Variants in TRPM7 observed in about 807,000 individuals in gnomAD.
TRPM7 encodes the protein transient receptor potential cation channel subfamily M member 7.
A neutral mutation model predicts 229.7 loss-of-function variants in TRPM7; 134 were observed. The observed-to-expected ratio is 0.58, with a 90% confidence interval of 0.51 to 0.67. The LOEUF is 0.67. Ranked by LOEUF, TRPM7 falls within the 30% of genes least tolerant of loss-of-function variation. TRPM7 has a pLI of 0.00. For synonymous variants in TRPM7, 699 were observed against 715.2 expected (o/e 0.98, Z 0.36); for missense variants, 1,901 against 2,210.0 (o/e 0.86, Z 2.80).
In TRPM7 at chr15:50,619,666, T is replaced by A. The variant is rs2060332585; in HGVS notation, c.1494+79A>T. 4 of 1,184,758 alleles carry A rather than the reference T, an allele frequency of 3.4e-6. No individual in the cohort carries two copies. The South Asian group carries it at 4.6e-5, about 14-fold the overall frequency. 73.4% of individuals were successfully genotyped at this position (1,184,758 alleles called of 1,614,324 possible). A position where few individuals can be genotyped will look rare whatever the true frequency, so the allele number is the denominator to read the frequency against. On this transcript the variant is annotated intron_variant, in intron 13 of 38. Coordinates refer to ENST00000646667, the MANE Select transcript of TRPM7 (RefSeq NM_017672.6). Reference sequence around the variant, plus strand: ...TTGGTATTTCTAAAATGTATTTAAATGATTTTTTTTTTAAAAAACATGAAA... The same window carrying A: ...TTGGTATTTCTAAAATGTATTTAAAAGATTTTTTTTTTAAAAAACATGAAA...
chr15:50,589,696 T>C (rs1407820513), intron 26 of TRPM7, 40 bp from the exon 27 acceptor site: 1 of 1,407,376 alleles, frequency 7.1e-7, no homozygotes, highest in Non-Finnish European at 9.9e-7. Context: ...GAAATTTTTA[T>C]TTTTCTTCAC....
In TRPM7 at chr15:50,607,246, A is replaced by C. The variant is rs1389977953; in HGVS notation, c.2663T>G (p.Ile888Ser). Residue 888 changes from isoleucine to serine, a missense_variant, in exon 20 of 39, where the codon ATT (isoleucine) becomes AGT (serine). This residue lies in a region of TRPM7 where 207 missense variants were observed against 241.5 expected (regional missense o/e 0.86). Transcript: ENST00000646667. ...ATAAGTAAAAATATAAGCAATAACA[A>C]TCCATTCTTGAACTGAAGGTAACTG... ...MEQLPSVQEWIVIAYIFTYAI... is the reference protein window; with the variant it reads ...MEQLPSVQEWSVIAYIFTYAI... 1.2e-6 allele frequency: 2 copies of C among 1,611,700 alleles called. No homozygotes were observed. Among genetic ancestry groups the C allele is most frequent in the Non-Finnish European group, 1.7e-6 (2 of 1,178,822 alleles).
In TRPM7 at chr15:50,679,510, TAA is replaced by T. The variant is rs1491513544; in HGVS notation, c.3+7019_3+7020del. Among the ~76,000 whole-genome samples the T allele has an allele frequency of 3.4e-4, 37 of 108,972 alleles. No homozygotes were observed. The South Asian group carries it at 7.8e-3, about 23-fold the overall frequency. The allele number at this position is 108,972 out of a possible 152,430, so 71.5% of individuals were successfully genotyped here. Reference sequence around the variant, plus strand: ...TATATTATATATATGTGTATATATATAATATATATATATATATATATATATAT... The same window carrying T: ...TATATTATATATATGTGTATATATATTATATATATATATATATATATATAT... On this transcript the variant is annotated intron_variant, in intron 1 of 38. Coordinates refer to ENST00000646667, the MANE Select transcript of TRPM7 (RefSeq NM_017672.6).
chr15:50,655,039 G>A (rs1310290676), intron 3 of TRPM7, among the ~76,000 whole-genome samples: 3 of 137,572 alleles, frequency 2.2e-5, no homozygotes, highest in African/African-American at 7.9e-5. Context: ...TCACTGGATG[G>A]ACAAAACAGC....
At chr15:50,595,669 C>T (rs2059613279) in intron 23 of TRPM7, among the ~76,000 whole-genome samples, 1 of 151,720 alleles carries the variant, frequency 6.6e-6, no homozygotes, top group Non-Finnish European at 1.5e-5. Context: ...GAGTCCAGCC[C>T]GGCCAACATG....
rs1270854054 is a variant in TRPM7 at position 50,561,403 on chromosome 15, T to C, written c.*275A>G. 3.3e-6 allele frequency: 1 copy of C among 301,806 alleles called. No individual in the cohort carries two copies. The highest frequency in any genetic ancestry group is 5.0e-5 in the Admixed American group (1 of 20,146). The allele number at this position is 301,806 out of a possible 1,614,324, so 18.7% of individuals were successfully genotyped here. ...TCACCCTCATCAAAACAAAGTCAAA[T>C]GAGATCCTCTGCTATACAAAGAGCC... On this transcript the variant is annotated 3_prime_UTR_variant, in exon 39 of 39. Transcript: ENST00000646667.
At position 50,686,573 on chromosome 15, in the gene TRPM7, C is replaced by T; in HGVS notation, c.-40G>A. ...GGACTCCGGAAGGGCAGCAACTCCA[C>T]CTCCTCCTCCTCCGCGGCCTGTAGC... On this transcript the variant is annotated 5_prime_UTR_variant, in exon 1 of 39. In the 5' UTR this introduces an upstream ATG that the reference lacks. Coordinates refer to ENST00000646667, the MANE Select transcript of TRPM7 (RefSeq NM_017672.6). 1 of 1,599,356 alleles carries T rather than the reference C, an allele frequency of 6.3e-7. No individual in the cohort carries two copies. Among genetic ancestry groups the T allele is most frequent in the Non-Finnish European group, 8.5e-7 (1 of 1,171,762 alleles).
chr15:50,618,830 A>C (rs903794910), intron 13 of TRPM7, among the ~76,000 whole-genome samples: 3 of 152,022 alleles, frequency 2.0e-5, no homozygotes, highest in African/African-American at 7.3e-5. Flanking sequence ...CTATGTCCAT[A>C]GGTACCCATT....
intron 31 of TRPM7, 59 bp downstream of exon 31, chr15:50,578,580 T>G: frequency 6.6e-7 from 1 of 1,520,074 alleles, no homozygotes; most frequent in East Asian, 2.3e-5. Context: ...TGGTGTTTGC[T>G]GTAACAGATC....
chr15:50,587,225 G>A (rs910929087), intron 27 of TRPM7, among the ~76,000 whole-genome samples: 1 of 152,098 alleles, frequency 6.6e-6, no homozygotes, highest in Middle Eastern at 3.4e-3. Flanking sequence ...TGCTTTGTAT[G>A]AGCTATTTAT....
intron 11 of TRPM7, among the ~76,000 whole-genome samples, chr15:50,627,618 G>A (rs2140617600): frequency 6.6e-6 from 1 of 152,300 alleles, no homozygotes; most frequent in East Asian, 1.9e-4. Flanking sequence ...AAGTATGAGA[G>A]TAGTGAAACC....
chr15:50,581,059 TTTA>T (rs1677808046), intron 29 of TRPM7, 151 bp from the exon 30 acceptor site: 3 of 636,712 alleles, frequency 4.7e-6, no homozygotes, highest in South Asian at 5.4e-5. Context: ...AATAAATTTA[TTTA>T]TTATAACTGT....
chr15:50,564,905 C>T (rs778456330), intron 38 of TRPM7, among the ~76,000 whole-genome samples: 1 of 152,008 alleles, frequency 6.6e-6, no homozygotes, highest in African/African-American at 2.4e-5. Flanking sequence ...TTATAGCTCA[C>T]CTTAATTATA....
rs780049938 is a variant in TRPM7 at position 50,575,726 on chromosome 15, C to A, written c.4733G>T (p.Arg1578Ile). The change falls in exon 33 of 39, where the codon AGA becomes ATA. Residue 1578 changes from arginine (R) to isoleucine (I), a missense_variant and splice_region_variant. By Grantham distance (97) the Arg-to-Ile change is moderately conservative (BLOSUM62 -3). Around this residue, in one of 8 missense-constraint regions of TRPM7, gnomAD observed 257 missense variants for 352.0 expected, o/e 0.73. Coordinates refer to ENST00000646667, the MANE Select transcript of TRPM7 (RefSeq NM_017672.6). ...QSIPFTPVPP[R>I]GEPVTVYRLE... ...ATTTCTTTAATTTTTGGATTTACCT[C>A]TTGGAGGCACAGGTGTAAATGGAAT... 1 of 1,610,428 alleles carries A rather than the reference C, an allele frequency of 6.2e-7. No homozygotes were observed. Among genetic ancestry groups the A allele is most frequent in the Non-Finnish European group, 8.5e-7 (1 of 1,178,904 alleles).
chr15:50,625,886 T>G (rs2060543910), intron 11 of TRPM7, among the ~76,000 whole-genome samples: 3 of 152,184 alleles, frequency 2.0e-5, no homozygotes, highest in Admixed American at 2.0e-4. Context: ...TCTACATTAT[T>G]AGGCTGTAGT....
At chr15:50,638,307 C>T (rs375451575) in intron 6 of TRPM7, among the ~76,000 whole-genome samples, 3 of 128,812 alleles carry the variant, frequency 2.3e-5, no homozygotes, top group Non-Finnish European at 3.1e-5. Flanking sequence ...TGCAGTGAGC[C>T]GAGATCGCGC....
At chr15:50,621,150 T>A (rs1406980243) in intron 12 of TRPM7, among the ~76,000 whole-genome samples, 4 of 91,732 alleles carry the variant, frequency 4.4e-5, no homozygotes, top group African/African-American at 1.4e-4. Context: ...ACAGCGAGAC[T>A]CCGTCTCAAA....
chr15:50,674,138 G>C (rs2062046976), intron 1 of TRPM7, among the ~76,000 whole-genome samples: 1 of 152,124 alleles, frequency 6.6e-6, no homozygotes, highest in Non-Finnish European at 1.5e-5. Flanking sequence ...ACAGGTACCT[G>C]CCACCACGCC....
chr15:50,631,839 G>A (rs921533607), intron 9 of TRPM7, among the ~76,000 whole-genome samples: 1 of 152,020 alleles, frequency 6.6e-6, no homozygotes, highest in Non-Finnish European at 1.5e-5. Flanking sequence ...CCTTATCAGG[G>A]TAAATAAATC....
Sources: gnomAD v4.1 joint callset for allele counts (sites outside exome capture counted in the v4.1 genomes callset) on GRCh38, gnomAD v4.1.1 for gene constraint, gnomAD v4.1.1 regional missense constraint, MANE v1.5 for transcripts, NCBI Gene and HGNC (gene_info 2026-07-23, HGNC 2026-07-21) for gene names.